ZNF845: variants seen among roughly 807,000 people sequenced by gnomAD.
ZNF845 encodes the protein zinc finger protein 845.
In ZNF845, 59 loss-of-function variants were observed where a neutral mutation model predicts 76.1. That is an observed-to-expected ratio of 0.78 (90% CI 0.63 to 0.96). ZNF845 has a LOEUF of 0.96. Among genes scored for constraint, ZNF845 ranks in the 40% least tolerant of loss-of-function variants. ZNF845 has a pLI of 0.00. For synonymous variants in ZNF845, 361 were observed against 386.9 expected (o/e 0.93, Z 0.78); for missense variants, 1,045 against 1,172.8 (o/e 0.89, Z 1.59).
At chr19:53,344,632 T>C in intron 2 of ZNF845, among the ~76,000 whole-genome samples, 1 of 150,074 alleles carries the variant, frequency 6.7e-6, no homozygotes, top group South Asian at 2.1e-4. Context: ...TATTTTATTT[T>C]ATTTTATTTT....
At chr19:53,338,888 G>A (rs550674380) in intron 1 of ZNF845, among the ~76,000 whole-genome samples, 1 of 150,914 alleles carries the variant, frequency 6.6e-6, no homozygotes, top group Non-Finnish European at 1.5e-5. Flanking sequence ...AGACCAGCCT[G>A]GCCAACATAG....
intron 1 of ZNF845, among the ~76,000 whole-genome samples, 157 bp from the exon 2 acceptor site, chr19:53,341,078 C>T (rs200160885): frequency 6.7e-6 from 1 of 149,734 alleles, no homozygotes; most frequent in African/African-American, 2.5e-5. Flanking sequence ...TCTGTTTTTT[C>T]ACCTTCCACT....
chr19:53,348,284 GGTA>G (rs1309210429), intron 3 of ZNF845, among the ~76,000 whole-genome samples: 1 of 152,094 alleles, frequency 6.6e-6, no homozygotes, highest in East Asian at 1.9e-4. Flanking sequence ...AAACAAAAAA[GGTA>G]GTAGCTTAAA....
rs754771593 is a variant in ZNF845, at chr19:53,353,005, G to A, written c.2330G>A (p.Cys777Tyr). 3 of 1,613,900 alleles carry A rather than the reference G, an allele frequency of 1.9e-6. No homozygotes were observed. The highest frequency in any genetic ancestry group is 2.5e-6 in the Non-Finnish European group (3 of 1,179,934). Residue 777 changes from cysteine to tyrosine, a missense_variant, in exon 4 of 4, where the codon TGT (cysteine) becomes TAT (tyrosine). Transcript: ENST00000458035. ...RIHTGEKPYK[C>Y]KVCDKAFGRD... ...CATACTGGAGAGAAACCATACAAATGTAAGGTTTGTGACAAAGCTTTTGGG... is the reference window on the plus strand; with the variant it reads ...CATACTGGAGAGAAACCATACAAATATAAGGTTTGTGACAAAGCTTTTGGG...
At chr19:53,334,142 C>CCGTCG (rs1264282240) in intron 1 of ZNF845, among the ~76,000 whole-genome samples, 2 of 152,214 alleles carry the variant, frequency 1.3e-5, no homozygotes, top group Non-Finnish European at 2.9e-5. Flanking sequence ...TCTTAAGGCG[C>CCGTCG]CGTCGCCCCC....
chr19:53,346,209 G>A, intron 3 of ZNF845: 1 of 256,458 alleles, frequency 3.9e-6, no homozygotes, highest in Non-Finnish European at 8.0e-6. Context: ...TGTATCTCTT[G>A]TAGGTTTTTT....
Position 53,351,459 on chromosome 19 carries a change from C to G in ZNF845, c.784C>G (p.Arg262Gly). ...FNQKRYLACH[R>G]RCHTGKKPYK... is the part of the protein sequence containing the mutation. ...TCAAAAGCGATATCTTGCATGTCAT[C>G]GTAGATGTCACACTGGCAAGAAACC... Residue 262 changes from arginine (R) to glycine (G), a missense_variant, in exon 4 of 4, where the codon CGT (arginine) becomes GGT (glycine). Transcript: ENST00000458035. 1 of 1,614,158 alleles carries G rather than the reference C, an allele frequency of 6.2e-7. No homozygotes were observed. Among genetic ancestry groups the G allele is most frequent in the Non-Finnish European group, 8.5e-7 (1 of 1,180,022 alleles).
chr19:53,334,575 T>C lies in ZNF845; in HGVS notation c.-74+783T>C, dbSNP rs1319029903. 2.0e-5 allele frequency among the ~76,000 whole-genome samples: 3 copies of C among 150,458 alleles called. 1 individual carries two copies. Among genetic ancestry groups the C allele is most frequent in the Non-Finnish European group, 4.4e-5 (3 of 67,630 alleles). Reference sequence around the variant, plus strand: ...AGAGAGAGAAGGGGAGAATGAGAGATATGTACAGAATTAGGGAGGGAAGCA... The same window carrying C: ...AGAGAGAGAAGGGGAGAATGAGAGACATGTACAGAATTAGGGAGGGAAGCA... On this transcript the variant is annotated intron_variant, in intron 1 of 3. Transcript: ENST00000458035.
intron 3 of ZNF845, among the ~76,000 whole-genome samples, chr19:53,348,561 C>T (rs980790465): frequency 1.3e-5 from 2 of 152,206 alleles, no homozygotes; most frequent in African/African-American, 4.8e-5. Flanking sequence ...GCAGGAACAT[C>T]CTATTGGAGA....
Position 53,350,890 on chromosome 19 carries a change from G to T in ZNF845, c.215G>T (p.Gly72Val). ...GGCAATACAGAAGTGATCCACACAGGGACATTGCAAAGACATGAACGTCAT... is the reference window on the plus strand; with the variant it reads ...GGCAATACAGAAGTGATCCACACAGTGACATTGCAAAGACATGAACGTCAT... Reference protein sequence around the residue: ...AQGNTEVIHTGTLQRHERHHI... With the variant: ...AQGNTEVIHTVTLQRHERHHI... The change falls in exon 4 of 4, where the codon GGG (glycine) becomes GTG (valine). Residue 72 changes from glycine (G) to valine (V), a missense_variant. Gly to Val is a moderately radical substitution (Grantham distance 109, BLOSUM62 -3). Transcript: ENST00000458035. 1 of 1,614,118 alleles carries T rather than the reference G, an allele frequency of 6.2e-7. No homozygotes were observed. The highest frequency in any genetic ancestry group is 8.5e-7 in the Non-Finnish European group (1 of 1,180,042).
intron 1 of ZNF845, chr19:53,340,907 G>T (rs575736026): frequency 7.7e-6 from 3 of 388,726 alleles, no homozygotes; most frequent in Non-Finnish European, 1.4e-5. Flanking sequence ...GCTGGAACTC[G>T]CTGGCCCCTC....
chr19:53,346,295 A>G (rs1436993635), intron 3 of ZNF845: 1 of 351,662 alleles, frequency 2.8e-6, no homozygotes, highest in African/African-American at 2.2e-5. Context: ...CTCCCTTCTT[A>G]TTGACTTTTG....
At chr19:53,340,727 A>T (rs1242678828) in intron 1 of ZNF845, 1 of 291,852 alleles carries the variant, frequency 3.4e-6, no homozygotes, top group African/African-American at 2.2e-5. Context: ...GGTGTGGGAG[A>T]AAAATGTTAG....
chr19:53,337,257 T>C, intron 1 of ZNF845: 1 of 438,128 alleles, frequency 2.3e-6, no homozygotes, highest in Non-Finnish European at 4.6e-6. Flanking sequence ...CCTTCAGGTC[T>C]AGGCTCAGAG....
Position 53,351,639 on chromosome 19 carries a change from A to C in ZNF845, c.964A>C (p.Thr322Pro), listed in dbSNP as rs746493257. Reference sequence around the variant, plus strand: ...CCTTGTAATTCATAAGGCAATTCATACTGGAGAGAAATCTTACAAGTGTAA... The same window carrying C: ...CCTTGTAATTCATAAGGCAATTCATCCTGGAGAGAAATCTTACAAGTGTAA... ...SALVIHKAIH[T>P]GEKSYKCNEC... The change falls in exon 4 of 4, where the codon ACT becomes CCT. Residue 322 changes from threonine (T) to proline (P), a missense_variant. Thr to Pro is a conservative substitution (Grantham distance 38, BLOSUM62 -1). Coordinates refer to ENST00000458035, the MANE Select transcript of ZNF845 (RefSeq NM_138374.3). 3.7e-6 allele frequency: 6 copies of C among 1,614,102 alleles called. No individual in the cohort carries two copies. Among genetic ancestry groups the C allele is most frequent in the Non-Finnish European group, 5.1e-6 (6 of 1,179,958 alleles).
At chr19:53,348,427 T>C (rs10408475) in intron 3 of ZNF845, among the ~76,000 whole-genome samples, 59,964 of 151,996 alleles carry the variant, frequency 0.39, 11,929 homozygotes, top group East Asian at 0.5. Flanking sequence ...ATCTTCCTGC[T>C]GTGTCCTGAC....
intron 1 of ZNF845, among the ~76,000 whole-genome samples, chr19:53,335,790 C>T (rs1407230858): frequency 1.3e-5 from 2 of 151,910 alleles, no homozygotes; most frequent in Non-Finnish European, 2.9e-5. Context: ...TTAGTAGAGA[C>T]GGGGTTTCTC....
At chr19:53,335,103 G>A (rs2085204085) in intron 1 of ZNF845, among the ~76,000 whole-genome samples, 1 of 152,088 alleles carries the variant, frequency 6.6e-6, no homozygotes, top group South Asian at 2.1e-4. Context: ...TGGCATTAGA[G>A]GTCAGCTTCC....
In ZNF845 at chr19:53,344,624, T is replaced by TG. The variant is rs59984871; in HGVS notation, c.16-882_16-881insG. On this transcript the variant is annotated intron_variant, in intron 2 of 3. Coordinates refer to ENST00000458035, the MANE Select transcript of ZNF845 (RefSeq NM_138374.3). Reference sequence around the variant, plus strand: ...ATTTTATTTATTTTATTTTATTTTATTTTATTTTATTTTATTTTATTTTGG... The same window carrying TG: ...ATTTTATTTATTTTATTTTATTTTATGTTTATTTTATTTTATTTTATTTTGG... 1.5e-4 allele frequency among the ~76,000 whole-genome samples: 23 copies of TG among 148,588 alleles called. 1 individual carries two copies. Among genetic ancestry groups the TG allele is most frequent in the Middle Eastern group, 6.8e-3 (2 of 294 alleles).
Sources: allele counts gnomAD v4.1 joint callset (sites outside exome capture counted in the v4.1 genomes callset), GRCh38; gene constraint gnomAD v4.1.1; transcripts MANE v1.5; gene names NCBI Gene and HGNC (gene_info 2026-07-23, HGNC 2026-07-21).